PSMA6: variants seen among roughly 807,000 people sequenced by gnomAD.
The protein encoded by PSMA6 is proteasome 20S subunit alpha 6, also known as proteasome subunit alpha type-6.
For synonymous variants in PSMA6, 88 were observed against 97.7 expected (o/e 0.90, Z 0.59); for missense variants, 170 against 294.8 (o/e 0.58, Z 3.10).
At chr14:35,314,516 C>G in intron 6 of PSMA6, 61 bp downstream of exon 6, 1 of 1,490,260 alleles carries the variant, frequency 6.7e-7, no homozygotes. Flanking sequence ...GTCCATGTGT[C>G]CTATAACTTG....
intron 1 of PSMA6, among the ~76,000 whole-genome samples, chr14:35,296,617 C>A (rs974463434): frequency 3.3e-5 from 5 of 152,106 alleles, no homozygotes; most frequent in African/African-American, 9.7e-5. Flanking sequence ...GCGTGAGCCA[C>A]CATGCCCCGC....
At chr14:35,303,162 C>T (rs994435085) in intron 1 of PSMA6, among the ~76,000 whole-genome samples, 1 of 152,140 alleles carries the variant, frequency 6.6e-6, no homozygotes, top group Non-Finnish European at 1.5e-5. Context: ...TTATATTTCT[C>T]CAAAGAGTAT....
intron 6 of PSMA6, 169 bp downstream of exon 6, chr14:35,314,624 C>CT (rs2052006021): frequency 1.2e-6 from 1 of 812,146 alleles, no homozygotes. Context: ...ACTTTGGACT[C>CT]TATTTAAGAG....
chr14:35,306,159 G>T (rs2051822836), intron 1 of PSMA6, among the ~76,000 whole-genome samples: 1 of 151,932 alleles, frequency 6.6e-6, no homozygotes, highest in Non-Finnish European at 1.5e-5. Context: ...GGCCCGGGAG[G>T]TCGAGGCTGC....
At chr14:35,308,834 TA>T in intron 2 of PSMA6, 79 bp from the exon 3 acceptor site, 3 of 1,048,432 alleles carry the variant, frequency 2.9e-6, no homozygotes, top group Non-Finnish European at 2.9e-6. Flanking sequence ...CAGGGCAAAT[TA>T]AAAACATAAT....
chr14:35,304,620 C>T (rs1414663457), intron 1 of PSMA6, among the ~76,000 whole-genome samples: 1 of 151,814 alleles, frequency 6.6e-6, no homozygotes, highest in Non-Finnish European at 1.5e-5. Flanking sequence ...ATCCCAGCTA[C>T]TCGGGAGGCT....
intron 1 of PSMA6, among the ~76,000 whole-genome samples, chr14:35,282,225 A>G (rs1251835200): frequency 1.3e-5 from 2 of 152,186 alleles, no homozygotes; most frequent in Admixed American, 6.6e-5. Flanking sequence ...GGGAAGAAGT[A>G]AATAACTGTA....
intron 1 of PSMA6, among the ~76,000 whole-genome samples, chr14:35,307,125 G>A (rs1275977675): frequency 6.6e-6 from 1 of 152,148 alleles, no homozygotes; most frequent in Non-Finnish European, 1.5e-5. Context: ...TCCAACCTGG[G>A]CGACAGAGCG....
intron 1 of PSMA6, among the ~76,000 whole-genome samples, chr14:35,298,411 G>A (rs140947952): frequency 0.025 from 3,739 of 151,996 alleles, 158 homozygotes; most frequent in African/African-American, 0.083. Context: ...AATTGCTTGA[G>A]CCCGGGAGGT....
At chr14:35,309,321 A>G (rs2138747881) in intron 3 of PSMA6, among the ~76,000 whole-genome samples, 1 of 152,304 alleles carries the variant, frequency 6.6e-6, no homozygotes, top group East Asian at 1.9e-4. Flanking sequence ...CCTGGTAATA[A>G]TGGCATCGGT....
intron 1 of PSMA6, among the ~76,000 whole-genome samples, chr14:35,306,549 CA>C (rs2051831304): frequency 6.6e-6 from 1 of 151,882 alleles, no homozygotes; most frequent in Non-Finnish European, 1.5e-5. Flanking sequence ...ACTGAAAATA[CA>C]AAAACTAGCT....
At position 35,315,274 on chromosome 14, in the gene PSMA6, A is replaced by G. The variant is rs2052023967; in HGVS notation, c.683+819A>G. On this transcript the variant is annotated intron_variant, in intron 6 of 6. Coordinates refer to ENST00000261479, the MANE Select transcript of PSMA6 (RefSeq NM_002791.3). ...GTGGTGTGGGGTACGGGAGTGGTAAACTAAGCTTAACTAGACCTTGAAGAG... is the reference window on the plus strand; with the variant it reads ...GTGGTGTGGGGTACGGGAGTGGTAAGCTAAGCTTAACTAGACCTTGAAGAG... 3 of 152,088 alleles carry G rather than the reference A, an allele frequency of 2.0e-5. No individual in the cohort carries two copies. In the South Asian group the frequency reaches 6.2e-4, roughly 32 times the overall value. The allele number at this position is 152,088 out of a possible 1,614,324, so 9.4% of individuals were successfully genotyped here.
At chr14:35,286,619 C>T (rs1237849660) in intron 1 of PSMA6, among the ~76,000 whole-genome samples, 3 of 152,074 alleles carry the variant, frequency 2.0e-5, no homozygotes, top group South Asian at 2.1e-4. Flanking sequence ...GGTTTTGGCT[C>T]TATAGAGGGG....
intron 1 of PSMA6, among the ~76,000 whole-genome samples, chr14:35,285,339 C>CAAAAA (rs758651038): frequency 0.014 from 753 of 54,364 alleles, 7 homozygotes; most frequent in South Asian, 0.14. Context: ...AACTCTATCT[C>CAAAAA]AAAAAAAACA....
At chr14:35,280,349 C>T (rs922621584) in intron 1 of PSMA6, among the ~76,000 whole-genome samples, 9 of 151,840 alleles carry the variant, frequency 5.9e-5, no homozygotes, top group African/African-American at 2.2e-4. Flanking sequence ...ATTCCAACTC[C>T]ATCCACATTT....
chr14:35,288,679 C>G (rs1317475975), upstream of PSMA6, among the ~76,000 whole-genome samples: 2 of 152,182 alleles, frequency 1.3e-5, no homozygotes, highest in African/African-American at 4.8e-5. Context: ...CTATGCCCAG[C>G]TTAAATACCA....
intron 4 of PSMA6, among the ~76,000 whole-genome samples, chr14:35,312,436 G>C (rs2051961209): frequency 6.7e-6 from 1 of 150,186 alleles, no homozygotes; most frequent in African/African-American, 2.5e-5. Context: ...GAACCCGGGA[G>C]GAGGAGCTTG....
chr14:35,302,878 T>C (rs1424729620), intron 1 of PSMA6, among the ~76,000 whole-genome samples: 1 of 152,232 alleles, frequency 6.6e-6, no homozygotes, highest in Non-Finnish European at 1.5e-5. Flanking sequence ...TTTTCTTTGC[T>C]GAGATTTCCT....
chr14:35,278,810 A>G (rs752051821), intron 1 of PSMA6: 1 of 1,436,514 alleles, frequency 7.0e-7, no homozygotes, highest in Admixed American at 2.0e-5. Context: ...CCTCTTTACA[A>G]TGACCTTGCT....
Sources: gnomAD v4.1 joint callset for allele counts (sites outside exome capture counted in the v4.1 genomes callset) on GRCh38, gnomAD v4.1.1 for gene constraint, MANE v1.5 for transcripts, NCBI Gene and HGNC (gene_info 2026-07-23, HGNC 2026-07-21) for gene names.